ABCA6: variants seen among roughly 807,000 people sequenced by gnomAD.
ABCA6 encodes ATP binding cassette subfamily A member 6, also known as ATP-binding cassette sub-family A member 6.
A neutral mutation model predicts 191.2 loss-of-function variants in ABCA6; 164 were observed. The observed-to-expected ratio is 0.86, with a 90% confidence interval of 0.76 to 0.98. ABCA6 has a LOEUF of 0.98. Among genes scored for constraint, ABCA6 ranks in the 50% least tolerant of loss-of-function variants. The pLI is 0.00. For missense variants in ABCA6, 1,958 were observed against 1,894.1 expected, an observed-to-expected ratio of 1.03 and a Z score of -0.63; for synonymous variants, 636 against 647.7, an observed-to-expected ratio of 0.98 and a Z score of 0.27.
chr17:69,080,955 AT>A (rs1482846378), intron 37 of ABCA6, 110 bp downstream of exon 37: 1 of 588,820 alleles, frequency 1.7e-6, no homozygotes, highest in African/African-American at 1.9e-5. Context: ...CTTAAAAATC[AT>A]GCCCTACAGC....
chr17:69,114,382 G>A (rs1214788563), intron 13 of ABCA6, among the ~76,000 whole-genome samples: 1 of 145,094 alleles, frequency 6.9e-6, no homozygotes, highest in Non-Finnish European at 1.5e-5. Flanking sequence ...CATGGACACA[G>A]GAAGGGGAAC....
At position 69,082,873 on chromosome 17, in the gene ABCA6, C is replaced by G. The variant is rs769032135; in HGVS notation, c.4616G>C (p.Arg1539Thr). ...CTCCATAATCAAAAGCCCGTCTCAC[C>G]TTTCCTGCCCTGCAGCCTGTGGGAA... ...KLFPQAAGQE[R>T]YSSLLTYKLP... Residue 1539 changes from arginine to threonine, a missense_variant and splice_region_variant, in exon 36 of 39, where the codon AGG becomes ACG. Physicochemically the swap from Arg to Thr is moderately conservative, Grantham distance 71. Transcript: ENST00000284425. 3.5e-5 allele frequency: 57 copies of G among 1,614,012 alleles called. No individual in the cohort carries two copies. The highest frequency in any genetic ancestry group is 4.2e-5 in the Non-Finnish European group (50 of 1,180,008).
intron 10 of ABCA6, among the ~76,000 whole-genome samples, chr17:69,122,157 G>A (rs893549028): frequency 6.6e-6 from 1 of 152,030 alleles, no homozygotes; most frequent in African/African-American, 2.4e-5. Context: ...GTGATATTGG[G>A]TAAAAGGCTT....
intron 22 of ABCA6, among the ~76,000 whole-genome samples, chr17:69,100,522 C>G (rs577869282): frequency 1.1e-4 from 16 of 152,170 alleles, no homozygotes; most frequent in African/African-American, 3.4e-4. Flanking sequence ...GTTTCTCTTT[C>G]TCATACACTT....
intron 8 of ABCA6, among the ~76,000 whole-genome samples, chr17:69,126,371 G>A (rs911746227): frequency 6.6e-6 from 1 of 152,122 alleles, no homozygotes; most frequent in African/African-American, 2.4e-5. Context: ...AACAGGCCAA[G>A]TGCATGGATC....
chr17:69,112,657 TGA>T (rs1193358381), intron 15 of ABCA6: 10 of 177,290 alleles, frequency 5.6e-5, no homozygotes, highest in East Asian at 1.6e-4. Context: ...CTCGGAAGGG[TGA>T]GAGAGTCAGA....
intron 25 of ABCA6, chr17:69,095,128 C>A (rs2073017625): frequency 9.5e-6 from 2 of 210,652 alleles, no homozygotes; most frequent in South Asian, 1.8e-4. Context: ...AACCAAGTGT[C>A]AGTAAGACTC....
intron 5 of ABCA6, among the ~76,000 whole-genome samples, 178 bp from the exon 6 acceptor site, chr17:69,134,045 A>G (rs1300488486): frequency 1.3e-5 from 2 of 152,194 alleles, no homozygotes; most frequent in African/African-American, 4.8e-5. Flanking sequence ...TTCTCTGTAC[A>G]TTACATTTGC....
intron 8 of ABCA6, 103 bp downstream of exon 8, chr17:69,128,516 T>C (rs997593179): frequency 6.1e-6 from 5 of 817,784 alleles, no homozygotes; most frequent in African/African-American, 1.8e-5. Flanking sequence ...AGAAAAATTG[T>C]TTAGAATAAA....
At chr17:69,115,670 T>TA (rs551449634) in intron 11 of ABCA6, 184 bp from the exon 12 acceptor site, 71 of 429,394 alleles carry the variant, frequency 1.7e-4, no homozygotes, top group African/African-American at 1.4e-3. Flanking sequence ...GACAGAACTA[T>TA]AATAATTAAA....
At chr17:69,127,804 A>G (rs931669672) in intron 8 of ABCA6, among the ~76,000 whole-genome samples, 5 of 152,114 alleles carry the variant, frequency 3.3e-5, no homozygotes, top group African/African-American at 1.2e-4. Context: ...GTCCATATTC[A>G]GTAGGAAATG....
chr17:69,106,174 G>T lies in ABCA6; in HGVS notation c.2427C>A (p.Ser809Arg). 1 of 1,613,346 alleles carries T rather than the reference G, an allele frequency of 6.2e-7. No homozygotes were observed. The highest frequency in any genetic ancestry group is 8.5e-7 in the Non-Finnish European group (1 of 1,179,658). ...EQVEMIRDSESLNEMELAHSS... is the reference protein window; with the variant it reads ...EQVEMIRDSERLNEMELAHSS... The stretch of plus-strand genomic sequence containing the variant: ...AGTGAGCCAGCTCCATTTCATTGAG[G>T]CTTTCTGAGTCTCTTATCATCTCCA... Residue 809 changes from serine (S) to arginine (R), a missense_variant, in exon 19 of 39, where the codon AGC becomes AGA. Transcript: ENST00000284425.
intron 37 of ABCA6, 134 bp from the exon 38 acceptor site, chr17:69,079,399 G>A (rs1333624163): frequency 3.6e-6 from 2 of 551,032 alleles, no homozygotes; most frequent in Non-Finnish European, 6.2e-6. Context: ...CTTGATGTAA[G>A]GATGAAATAA....
intron 25 of ABCA6, among the ~76,000 whole-genome samples, chr17:69,093,645 G>A (rs558534372): frequency 6.6e-5 from 10 of 152,078 alleles, no homozygotes; most frequent in Non-Finnish European, 1.5e-4. Context: ...CTGCTGAGCC[G>A]ATATACACCT....
chr17:69,094,065 G>C (rs534599393), intron 25 of ABCA6, among the ~76,000 whole-genome samples: 19 of 152,118 alleles, frequency 1.2e-4, no homozygotes, highest in African/African-American at 1.9e-4. Flanking sequence ...ACGTGTATGT[G>C]TTTTGATTTT....
Position 69,102,881 on chromosome 17 carries a change from T to C in ABCA6, c.2828A>G (p.Asp943Gly). 1.2e-6 allele frequency: 2 copies of C among 1,602,574 alleles called. No individual in the cohort carries two copies. Among genetic ancestry groups the C allele is most frequent in the Non-Finnish European group, 1.7e-6 (2 of 1,176,426 alleles). The change falls in exon 21 of 39, where the codon GAT becomes GGT. Residue 943 changes from aspartate to glycine, a missense_variant. By Grantham distance (94) the Asp-to-Gly change is moderately conservative. Transcript: ENST00000284425. The stretch of plus-strand genomic sequence containing the variant: ...GATAGCTCCATTGTATGAGAGGCCA[T>C]CAGTACCATTTCTGTTTTCAAAGTC... ...VDDFENRNGTDGLSYNGAIIV... is the reference protein window; with the variant it reads ...VDDFENRNGTGGLSYNGAIIV...
chr17:69,089,355 A>T, intron 27 of ABCA6, 110 bp downstream of exon 27: 1 of 1,007,164 alleles, frequency 9.9e-7, no homozygotes, highest in Non-Finnish European at 1.5e-6. Context: ...GCTTTATCTA[A>T]GATCATATAA....
intron 6 of ABCA6, among the ~76,000 whole-genome samples, chr17:69,130,362 C>T (rs962623507): frequency 3.3e-5 from 5 of 151,706 alleles, no homozygotes; most frequent in Non-Finnish European, 2.9e-5. Context: ...ACTGTAAGCA[C>T]AGCTGGGCCA....
chr17:69,120,814 G>GTCT (rs2073626172), intron 10 of ABCA6, among the ~76,000 whole-genome samples: 2 of 151,996 alleles, frequency 1.3e-5, no homozygotes, highest in Non-Finnish European at 2.9e-5. Context: ...ATAGTTACAG[G>GTCT]AATGCACATA....
Sources: gnomAD v4.1 joint callset for allele counts (sites outside exome capture counted in the v4.1 genomes callset) on GRCh38, gnomAD v4.1.1 for gene constraint, MANE v1.5 for transcripts, NCBI Gene and HGNC (gene_info 2026-07-23, HGNC 2026-07-21) for gene names.